Variants in SP3 observed in about 807,000 individuals in gnomAD.
SP3 encodes the protein transcription factor Sp3.
Under a neutral mutation model 70.3 loss-of-function variants are expected in SP3, and 10 were observed. The ratio of observed to expected loss-of-function variants is 0.14; its 90% CI spans 0.09 to 0.24. SP3 has a LOEUF of 0.24. Among genes scored for constraint, SP3 ranks in the 10% least tolerant of loss-of-function variants. The pLI is 1.00. For synonymous variants in SP3, 402 were observed against 333.5 expected, an observed-to-expected ratio of 1.21 and a Z score of -2.24; for missense variants, 825 against 914.6, an observed-to-expected ratio of 0.90 and a Z score of 1.26.
chr2:173,932,972 G>A (rs1220302242), intron 4 of SP3, among the ~76,000 whole-genome samples: 4 of 152,086 alleles, frequency 2.6e-5, no homozygotes, highest in East Asian at 1.9e-4. Flanking sequence ...AGGCCTGGGC[G>A]ACAGTACGAG....
chr2:173,946,740 T>TTTAA (rs1690552004), intron 4 of SP3, among the ~76,000 whole-genome samples: 1 of 148,446 alleles, frequency 6.7e-6, no homozygotes, highest in African/African-American at 2.5e-5. Context: ...TTTTTTTTTT[T>TTTAA]AAGACAGGGC....
Position 173,904,665 on chromosome 2 carries a change from T to C in SP3, c.*5276A>G, listed in dbSNP as rs7559430. Among the ~76,000 whole-genome samples the C allele has an allele frequency of 4.8e-3, 737 of 152,362 alleles. 4 individuals carry two copies. Among genetic ancestry groups the C allele is most frequent in the African/African-American group, 0.017 (709 of 41,584 alleles). Reference sequence around the variant, plus strand: ...TTCCAAATTCTCAGGAGAAATCATCTAATTGGCTCAACTTTGACCAGATGT... The same window carrying C: ...TTCCAAATTCTCAGGAGAAATCATCCAATTGGCTCAACTTTGACCAGATGT... On this transcript the variant is annotated 3_prime_UTR_variant, in exon 7 of 7. Coordinates refer to ENST00000310015, the MANE Select transcript of SP3 (RefSeq NM_003111.5).
chr2:173,931,300 GAGC>G (rs771614150), intron 4 of SP3, among the ~76,000 whole-genome samples: 41 of 151,960 alleles, frequency 2.7e-4, no homozygotes, highest in Non-Finnish European at 4.9e-4. Flanking sequence ...ATGCCAAGGC[GAGC>G]AGATCACTTG....
intron 1 of SP3, 83 bp from the exon 2 acceptor site, chr2:173,964,636 T>G: frequency 1.8e-6 from 1 of 557,912 alleles, no homozygotes; most frequent in East Asian, 3.8e-5. Flanking sequence ...GAAGCGAAAT[T>G]ACTCCCAAAG....
At chr2:173,953,784 CA>C (rs34063529) in intron 4 of SP3, among the ~76,000 whole-genome samples, 43,576 of 125,690 alleles carry the variant, frequency 0.35, 7,054 homozygotes, top group East Asian at 0.62. Context: ...CAAAACAAAA[CA>C]AAAAAAAAAA....
chr2:173,964,336 A>G (rs1574431749), intron 2 of SP3, 69 bp downstream of exon 2: 2 of 529,324 alleles, frequency 3.8e-6, no homozygotes, highest in African/African-American at 6.0e-5. Flanking sequence ...GCGAGGAGGG[A>G]GGGGAGAGGC....
chr2:173,958,574 C>G (rs1574426700), intron 3 of SP3, among the ~76,000 whole-genome samples: 1 of 133,750 alleles, frequency 7.5e-6, no homozygotes, highest in African/African-American at 2.9e-5. Flanking sequence ...TGAAGCACAA[C>G]GATGGGGGAA....
chr2:173,964,958 G>C, intron 1 of SP3: 1 of 617,468 alleles, frequency 1.6e-6, no homozygotes, highest in Non-Finnish European at 2.6e-6. Flanking sequence ...GGGGCCTGGC[G>C]GGGAGACGGC....
intron 4 of SP3, among the ~76,000 whole-genome samples, chr2:173,945,808 AT>A (rs1690519825): frequency 6.6e-6 from 1 of 152,204 alleles, no homozygotes; most frequent in Non-Finnish European, 1.5e-5. Flanking sequence ...GGATAATATT[AT>A]ATGATGTCAG....
In SP3 at chr2:173,903,882, C is replaced by A. The variant is rs1689238718; in HGVS notation, c.*6059G>T. On this transcript the variant is annotated 3_prime_UTR_variant, in exon 7 of 7. Coordinates refer to ENST00000310015, the MANE Select transcript of SP3 (RefSeq NM_003111.5). The stretch of plus-strand genomic sequence containing the variant: ...AGTTCTGCCTTGTCTAAACCTGACT[C>A]ACTTGGCAGGCAATAAACGTGACTT... Among the ~76,000 whole-genome samples, 1 of 151,966 alleles carries A rather than the reference C, an allele frequency of 6.6e-6. No individual in the cohort carries two copies. Among genetic ancestry groups the A allele is most frequent in the Non-Finnish European group, 1.5e-5 (1 of 67,996 alleles).
chr2:173,903,926 G>A lies in SP3; in HGVS notation c.*6015C>T, dbSNP rs1290626705. ...GTGACTTTTTGTTGGTATTTCCTAG[G>A]ACGGCGGTCCCCAAACTTTTTGGCA... is the stretch of plus-strand genomic sequence containing the variant. On this transcript the variant is annotated 3_prime_UTR_variant, in exon 7 of 7. Transcript: ENST00000310015. Among the ~76,000 whole-genome samples the A allele has an allele frequency of 6.6e-6, 1 of 151,260 alleles. No homozygotes were observed. Among genetic ancestry groups the A allele is most frequent in the Admixed American group, 6.6e-5 (1 of 15,164 alleles).
chr2:173,921,582 G>A (rs998954694), intron 4 of SP3, among the ~76,000 whole-genome samples: 1 of 152,112 alleles, frequency 6.6e-6, no homozygotes, highest in Admixed American at 6.5e-5. Context: ...AGGCATGGTG[G>A]CACATGCCTT....
At position 173,954,920 on chromosome 2, in the gene SP3, G is replaced by C; in HGVS notation, c.1592C>G (p.Ser531Cys). 4 of 1,614,122 alleles carry C rather than the reference G, an allele frequency of 2.5e-6. No individual in the cohort carries two copies. Among genetic ancestry groups the C allele is most frequent in the Non-Finnish European group, 3.4e-6 (4 of 1,179,986 alleles). ...LQTVTVNSID[S>C]AGIQLHPGEN... Reference sequence around the variant, plus strand: ...TCCTGGATGTAGCTGTATACCAGCAGAATCTATAGAGTTCACTGTAACTGT... The same window carrying C: ...TCCTGGATGTAGCTGTATACCAGCACAATCTATAGAGTTCACTGTAACTGT... Residue 531 changes from serine to cysteine, a missense_variant, in exon 4 of 7, where the codon TCT (serine) becomes TGT (cysteine). Physicochemically the swap from Ser to Cys is moderately radical, Grantham distance 112. Coordinates refer to ENST00000310015, the MANE Select transcript of SP3 (RefSeq NM_003111.5).
intron 5 of SP3, chr2:173,915,527 T>A (rs573365461): frequency 4.6e-5 from 7 of 152,148 alleles, no homozygotes; most frequent in African/African-American, 1.7e-4. Flanking sequence ...TCTAAACTTG[T>A]TCCCAATAAT....
chr2:173,965,322 C>A lies in SP3; in HGVS notation c.-151G>T. On this transcript the variant is annotated 5_prime_UTR_variant, in exon 1 of 7. Coordinates refer to ENST00000310015, the MANE Select transcript of SP3 (RefSeq NM_003111.5). Reference sequence around the variant, plus strand: ...TTTTTTCCTATTTTGATTGACTGTGCGGGAAACACAAAAGGTGGAGCCTCC... The same window carrying A: ...TTTTTTCCTATTTTGATTGACTGTGAGGGAAACACAAAAGGTGGAGCCTCC... The A allele has an allele frequency of 1.1e-6, 1 of 892,018 alleles. No homozygotes were observed. Among genetic ancestry groups the A allele is most frequent in the South Asian group, 1.6e-5 (1 of 62,674 alleles). The allele number at this position is 892,018 out of a possible 1,614,324, so 55.3% of individuals were successfully genotyped here. A position where few individuals can be genotyped will look rare whatever the true frequency, so the allele number is the denominator to read the frequency against.
rs901677102 is a variant in SP3 at position 173,925,084 on chromosome 2, C to T, written c.1640-6299G>A. On this transcript the variant is annotated intron_variant, in intron 4 of 6. Coordinates refer to ENST00000310015, the MANE Select transcript of SP3 (RefSeq NM_003111.5). ...TGTATTTTTAGTAGAGACCGAGTTT[C>T]GCCATGTTGGTCAGGCTGGTCTCAA... Among the ~76,000 whole-genome samples, 4 of 152,162 alleles carry T rather than the reference C, an allele frequency of 2.6e-5. No homozygotes were observed. In the South Asian group the frequency reaches 6.2e-4, roughly 24 times the overall value.
At chr2:173,953,753 G>A (rs1690788766) in intron 4 of SP3, among the ~76,000 whole-genome samples, 1 of 147,376 alleles carries the variant, frequency 6.8e-6, no homozygotes, top group Non-Finnish European at 1.5e-5. Flanking sequence ...GTGTGACAGA[G>A]CGAGACTCCA....
At position 173,939,563 on chromosome 2, in the gene SP3, A is replaced by G. The variant is rs145942352; in HGVS notation, c.1639+15310T>C. ...TAGATCACCTGAGGTCAGGAGTTTG[A>G]TAACAGCCTGGCCAACATGGTGAAA... On this transcript the variant is annotated intron_variant, in intron 4 of 6. Coordinates refer to ENST00000310015, the MANE Select transcript of SP3 (RefSeq NM_003111.5). 5.9e-3 allele frequency among the ~76,000 whole-genome samples: 899 copies of G among 152,220 alleles called. 10 individuals carry two copies. Among genetic ancestry groups the G allele is most frequent in the African/African-American group, 0.02 (837 of 41,510 alleles).
rs533817433 is a variant in SP3, at chr2:173,964,013, T to TCTC, written c.157-133_157-131dup. ...CGCCCGGGCAAGCGCCAGCCCGCGC[T>TCTC]CTCCTCCTCCTCCTCCTCCTCCTCC... is the stretch of plus-strand genomic sequence containing the variant. On this transcript the variant is annotated intron_variant, in intron 2 of 6. Transcript: ENST00000310015. The TCTC allele has an allele frequency of 2.0e-3, 914 of 466,266 alleles. 3 individuals carry two copies. Among genetic ancestry groups the TCTC allele is most frequent in the Admixed American group, 3.0e-3 (65 of 21,560 alleles). 28.9% of individuals were successfully genotyped at this position (466,266 alleles called of 1,614,324 possible). A position where few individuals can be genotyped will look rare whatever the true frequency, so the allele number is the denominator to read the frequency against.
Sources: allele counts gnomAD v4.1 joint callset (sites outside exome capture counted in the v4.1 genomes callset), GRCh38; gene constraint gnomAD v4.1.1; transcripts MANE v1.5; gene names NCBI Gene and HGNC (gene_info 2026-07-23, HGNC 2026-07-21).